The following MEP1A variants were observed in gnomAD, a reference collection of about 807,000 sequenced individuals.
The protein encoded by MEP1A is N-benzoyl-L-tyrosyl-P-amino-benzoic acid hydrolase subunit alpha.
In MEP1A, 68 loss-of-function variants were observed where a neutral mutation model predicts 84.5. The observed-to-expected ratio is 0.80, with a 90% CI of 0.66 to 0.98. The LOEUF (loss-of-function observed/expected upper bound fraction) is 0.98, where lower values mean the gene tolerates loss of function less well. Ranked by LOEUF, MEP1A falls within the 50% of genes least tolerant of loss-of-function variation. MEP1A has a pLI of 0.00. For synonymous variants in MEP1A, 337 were observed against 336.8 expected (o/e 1.00, Z -0.01); for missense variants, 887 against 919.9 (o/e 0.96, Z 0.46).
At chr6:46,844,672 GCCC>G (rs1768384709), downstream of MEP1A, among the ~76,000 whole-genome samples, 1 of 152,172 alleles carries the variant, frequency 6.6e-6, no homozygotes, top group Non-Finnish European at 1.5e-5. Flanking sequence ...TCAGATACCA[GCCC>G]CCAACAAAAA....
rs777736088 is a variant in MEP1A at position 46,833,321 on chromosome 6, A to G, written c.1392A>G (p.Gly464=). 2.5e-6 allele frequency: 4 copies of G among 1,614,000 alleles called. No individual in the cohort carries two copies. The Admixed American group carries it at 6.7e-5, about 27-fold the overall frequency. ...LQSPRFYNSE[G]YGFGVTLYPN... ...GCCCTCGATTCTACAATTCGGAGGG[A>G]TATGGTTTTGGGGTAACTTTATACC... The change falls in exon 11 of 14, where the codon GGA becomes GGG. Residue 464 remains glycine (G), a synonymous_variant. Coordinates refer to ENST00000230588, the MANE Select transcript of MEP1A (RefSeq NM_005588.3).
downstream of MEP1A, among the ~76,000 whole-genome samples, chr6:46,842,990 G>T (rs560313846): frequency 2.6e-5 from 4 of 152,156 alleles, no homozygotes; most frequent in Non-Finnish European, 5.9e-5. Context: ...GGAAGTCTCT[G>T]CTCTGTCCTT....
chr6:46,821,655 C>T (rs1767778899), intron 7 of MEP1A, among the ~76,000 whole-genome samples: 1 of 152,142 alleles, frequency 6.6e-6, no homozygotes, highest in African/African-American at 2.4e-5. Flanking sequence ...ATTTCTATTT[C>T]CAAGTCTTAT....
At chr6:46,795,873 A>T (rs1342554511) in intron 3 of MEP1A, among the ~76,000 whole-genome samples, 3 of 152,206 alleles carry the variant, frequency 2.0e-5, no homozygotes, top group African/African-American at 7.2e-5. Context: ...AGTGTGGTCC[A>T]CAGGCCAAAG....
In MEP1A at chr6:46,839,608, T is replaced by A. The variant is rs1255487159; in HGVS notation, c.*472T>A. On this transcript the variant is annotated 3_prime_UTR_variant, in exon 14 of 14. Transcript: ENST00000230588. Reference sequence around the variant, plus strand: ...GATGAAATTCTTATGTTGAATATGTTAGAATCAAATACTCATTTTTCATTA... The same window carrying A: ...GATGAAATTCTTATGTTGAATATGTAAGAATCAAATACTCATTTTTCATTA... The A allele has an allele frequency of 3.3e-5, 5 of 152,404 alleles. No homozygotes were observed. In the East Asian group the frequency reaches 9.6e-4, roughly 29 times the overall value. 9.4% of individuals were successfully genotyped at this position (152,404 alleles called of 1,614,324 possible). A position where few individuals can be genotyped will look rare whatever the true frequency, so the allele number is the denominator to read the frequency against.
intron 9 of MEP1A, 29 bp downstream of exon 9, chr6:46,826,532 G>C (rs1342856690): frequency 6.9e-7 from 1 of 1,458,168 alleles, no homozygotes; most frequent in Non-Finnish European, 9.2e-7. Flanking sequence ...CAAACACATT[G>C]ATGTGGTTCA....
At chr6:46,831,092 G>C (rs1225413948) in intron 10 of MEP1A, among the ~76,000 whole-genome samples, 2 of 152,166 alleles carry the variant, frequency 1.3e-5, no homozygotes, top group East Asian at 3.9e-4. Context: ...GAGTATGCCT[G>C]TGTACGTTCC....
chr6:46,798,974 A>G (rs932079063), intron 4 of MEP1A, 132 bp from the exon 5 acceptor site: 1 of 662,308 alleles, frequency 1.5e-6, no homozygotes, highest in Non-Finnish European at 2.7e-6. Context: ...TTTCATAATC[A>G]AAAGACAAAT....
At chr6:46,797,735 A>G (rs1453739329) in intron 3 of MEP1A, among the ~76,000 whole-genome samples, 1 of 150,976 alleles carries the variant, frequency 6.6e-6, no homozygotes, top group Non-Finnish European at 1.5e-5. Context: ...TCTGGACTCT[A>G]TTTCTTTCTC....
chr6:46,819,770 C>T, intron 7 of MEP1A, 66 bp downstream of exon 7: 3 of 1,529,674 alleles, frequency 2.0e-6, no homozygotes, highest in Non-Finnish European at 2.7e-6. Flanking sequence ...GATGACCAAG[C>T]CAAATCTGTG....
intron 3 of MEP1A, among the ~76,000 whole-genome samples, chr6:46,795,678 C>G (rs1259647289): frequency 2.6e-5 from 4 of 152,206 alleles, no homozygotes; most frequent in African/African-American, 9.7e-5. Context: ...CACCTCATGT[C>G]TGGGCTGGTC....
intron 9 of MEP1A, among the ~76,000 whole-genome samples, chr6:46,828,716 C>G (rs1768003341): frequency 6.6e-6 from 1 of 152,122 alleles, no homozygotes; most frequent in South Asian, 2.1e-4. Flanking sequence ...CAGGTAAACC[C>G]TATCTCTGGC....
At chr6:46,803,693 A>AT (rs979438718) in intron 5 of MEP1A, among the ~76,000 whole-genome samples, 2 of 151,086 alleles carry the variant, frequency 1.3e-5, no homozygotes, top group Non-Finnish European at 3.0e-5. Context: ...TTAAACCTTC[A>AT]TTTTTTCTAA....
chr6:46,824,844 T>TATATTTAATTAGATGTATTTAA (rs1562113573), intron 7 of MEP1A, among the ~76,000 whole-genome samples: 2,351 of 75,970 alleles, frequency 0.031, 311 homozygotes, highest in African/African-American at 0.06. Flanking sequence ...ATATATAAAT[T>TATATTTAATTAGATGTATTTAA]ATATATATAA....
intron 5 of MEP1A, among the ~76,000 whole-genome samples, chr6:46,802,992 T>C (rs1767227617): frequency 6.6e-6 from 1 of 151,750 alleles, no homozygotes; most frequent in Admixed American, 6.6e-5. Flanking sequence ...GTAATATCTT[T>C]ATTAGGCTTT....
chr6:46,820,025 G>GA (rs1417465879), intron 7 of MEP1A, among the ~76,000 whole-genome samples: 2 of 152,250 alleles, frequency 1.3e-5, no homozygotes, highest in African/African-American at 4.8e-5. Context: ...AGTGAATCCA[G>GA]ATTTTAAAGT....
Position 46,839,390 on chromosome 6 carries a change from A to T in MEP1A, c.*254A>T, listed in dbSNP as rs893090833. ...TCATTGTAAATCACTTGTTTTATTGACTGTCTTTCCTATAGACTGTAAGCT... is the reference window on the plus strand; with the variant it reads ...TCATTGTAAATCACTTGTTTTATTGTCTGTCTTTCCTATAGACTGTAAGCT... On this transcript the variant is annotated 3_prime_UTR_variant, in exon 14 of 14. Coordinates refer to ENST00000230588, the MANE Select transcript of MEP1A (RefSeq NM_005588.3). 9.0e-5 allele frequency: 28 copies of T among 309,838 alleles called. No individual in the cohort carries two copies. The highest frequency in any genetic ancestry group is 1.3e-4 in the Non-Finnish European group (22 of 167,722). The allele number at this position is 309,838 out of a possible 1,614,324, so 19.2% of individuals were successfully genotyped here.
Position 46,825,444 on chromosome 6 carries a change from G to A in MEP1A, c.729G>A (p.Leu243=), listed in dbSNP as rs773986621. ...PEFNSIIGQR[L]DFSAIDLERL... is the part of the protein sequence containing the mutation. ...TTAACTCCATTATCGGACAGCGCCT[G>A]GATTTCAGTGCCATTGATTTAGAGA... The change falls in exon 8 of 14, where the codon CTG becomes CTA. Residue 243 remains leucine (L), a synonymous_variant. Transcript: ENST00000230588. 1.2e-6 allele frequency: 2 copies of A among 1,613,782 alleles called. No individual in the cohort carries two copies. The highest frequency in any genetic ancestry group is 1.1e-5 in the South Asian group (1 of 91,040).
intron 13 of MEP1A, among the ~76,000 whole-genome samples, chr6:46,836,003 G>C (rs181114084): frequency 6.6e-6 from 1 of 152,246 alleles, no homozygotes; most frequent in East Asian, 1.9e-4. Flanking sequence ...TTCAATAATA[G>C]TAGTAAGAAC....
Sources: allele counts gnomAD v4.1 joint callset (sites outside exome capture counted in the v4.1 genomes callset), GRCh38; gene constraint gnomAD v4.1.1; transcripts MANE v1.5; gene names NCBI Gene and HGNC (gene_info 2026-07-23, HGNC 2026-07-21).